RAD51: variants seen among roughly 807,000 people sequenced by gnomAD.
The protein encoded by RAD51 is DNA repair protein RAD51 homolog 1.
Under a neutral mutation model 41.5 loss-of-function variants are expected in RAD51, and 14 were observed. That is an observed-to-expected ratio of 0.34 (90% CI 0.22 to 0.53). RAD51 has a LOEUF of 0.53. Among genes scored for constraint, RAD51 ranks in the 20% least tolerant of loss-of-function variants. The pLI, the probability that RAD51 is intolerant of heterozygous loss-of-function variation, is 0.95. For missense variants in RAD51, 234 were observed against 422.0 expected (o/e 0.55, Z 3.90); for synonymous variants, 136 against 148.6 (o/e 0.92, Z 0.62).
chr15:40,706,369 T>C (rs1895339026), intron 4 of RAD51, 75 bp downstream of exon 4: 1 of 1,190,354 alleles, frequency 8.4e-7, no homozygotes, highest in African/African-American at 1.5e-5. Context: ...AACTGAAATA[T>C]TTGTGTAGCA....
At chr15:40,731,027 G>A (rs895926738) in intron 9 of RAD51, 28 bp from the exon 10 acceptor site, 1 of 1,613,728 alleles carries the variant, frequency 6.2e-7, no homozygotes, top group Middle Eastern at 1.7e-4. Flanking sequence ...ATAATAAATT[G>A]GTGCTTTGGT....
intron 6 of RAD51, among the ~76,000 whole-genome samples, chr15:40,728,385 A>G (rs1259188737): frequency 6.6e-6 from 1 of 151,984 alleles, no homozygotes; most frequent in African/African-American, 2.4e-5. Flanking sequence ...TGAACCCAGG[A>G]GGTGGAGGTT....
chr15:40,696,572 A>G (rs895768861), intron 1 of RAD51, among the ~76,000 whole-genome samples: 4 of 152,188 alleles, frequency 2.6e-5, no homozygotes, highest in Non-Finnish European at 5.9e-5. Flanking sequence ...AAATGAATAT[A>G]CACCTATGTA....
intron 4 of RAD51, among the ~76,000 whole-genome samples, 200 bp downstream of exon 4, chr15:40,706,494 C>T (rs927697930): frequency 3.3e-5 from 5 of 152,148 alleles, no homozygotes; most frequent in South Asian, 2.1e-4. Flanking sequence ...GCTGGGAGTT[C>T]GAGACCAGCC....
chr15:40,713,540 G>A (rs375540338), intron 5 of RAD51, among the ~76,000 whole-genome samples: 34 of 135,380 alleles, frequency 2.5e-4, no homozygotes, highest in African/African-American at 9.3e-4. Flanking sequence ...ACCATGCCCG[G>A]CTTTTTGTTG....
chr15:40,730,715 G>T (rs1202758081), intron 9 of RAD51, among the ~76,000 whole-genome samples: 1 of 151,262 alleles, frequency 6.6e-6, no homozygotes, highest in African/African-American at 2.4e-5. Context: ...GTAGAGATGG[G>T]GTTTCACAGT....
chr15:40,718,734 G>A, intron 5 of RAD51, 71 bp from the exon 6 acceptor site: 1 of 1,308,482 alleles, frequency 7.6e-7, no homozygotes, highest in Non-Finnish European at 1.1e-6. Flanking sequence ...TTATAAAGAT[G>A]TCATGAGGAG....
chr15:40,710,427 G>A (rs1428312351), intron 5 of RAD51, among the ~76,000 whole-genome samples: 3 of 149,420 alleles, frequency 2.0e-5, no homozygotes, highest in Non-Finnish European at 3.0e-5. Flanking sequence ...GCTTGAACCC[G>A]GGGGGCAGAG....
At chr15:40,720,615 A>G (rs1896221036) in intron 6 of RAD51, among the ~76,000 whole-genome samples, 1 of 152,180 alleles carries the variant, frequency 6.6e-6, no homozygotes, top group African/African-American at 2.4e-5. Flanking sequence ...AACTAGAACT[A>G]AATAACTGTT....
intron 5 of RAD51, among the ~76,000 whole-genome samples, chr15:40,711,846 G>A (rs1440342552): frequency 6.6e-6 from 1 of 152,128 alleles, no homozygotes; most frequent in African/African-American, 2.4e-5. Context: ...AGGCCACGGT[G>A]GGTGGATCGC....
At chr15:40,716,243 AGT>A (rs1895980088) in intron 5 of RAD51, among the ~76,000 whole-genome samples, 1 of 152,240 alleles carries the variant, frequency 6.6e-6, no homozygotes, top group Admixed American at 6.5e-5. Flanking sequence ...CAATATTCTC[AGT>A]CACATAGTAA....
intron 1 of RAD51, among the ~76,000 whole-genome samples, chr15:40,698,438 G>A (rs182325368): frequency 1.4e-4 from 22 of 152,114 alleles, no homozygotes; most frequent in African/African-American, 4.8e-4. Flanking sequence ...TGCCCGCCTC[G>A]GCCTCCCAAA....
intron 2 of RAD51, 146 bp downstream of exon 2, chr15:40,698,991 GGA>G (rs1238849152): frequency 6.4e-6 from 5 of 779,888 alleles, no homozygotes; most frequent in Non-Finnish European, 1.1e-5. Flanking sequence ...ATAATCCTGT[GGA>G]AAGGCTGCAG....
chr15:40,701,085 G>A lies in RAD51; in HGVS notation c.109G>A (p.Asp37Asn), dbSNP rs1428987216. Residue 37 changes from aspartate to asparagine, a missense_variant, in exon 3 of 10, where the codon GAT (aspartate) becomes AAT (asparagine). By Grantham distance (23) the Asp-to-Asn change is conservative. Coordinates refer to ENST00000267868, the MANE Select transcript of RAD51 (RefSeq NM_002875.5). Reference sequence around the variant, plus strand: ...GCAGCAGTGTGGCATAAATGCCAACGATGTGAAGAAATTGGAAGAAGCTGG... The same window carrying A: ...GCAGCAGTGTGGCATAAATGCCAACAATGTGAAGAAATTGGAAGAAGCTGG... Reference protein sequence around the residue: ...RLEQCGINANDVKKLEEAGFH... With the variant: ...RLEQCGINANNVKKLEEAGFH... 9.3e-6 allele frequency: 15 copies of A among 1,614,108 alleles called. No individual in the cohort carries two copies. The highest frequency in any genetic ancestry group is 6.6e-5 in the South Asian group (6 of 91,090).
chr15:40,706,571 C>G (rs1895354666), intron 4 of RAD51, among the ~76,000 whole-genome samples: 1 of 152,116 alleles, frequency 6.6e-6, no homozygotes, highest in African/African-American at 2.4e-5. Flanking sequence ...TGCCTGTAAT[C>G]CCTGTAGGTG....
chr15:40,698,432 C>T (rs988663839), intron 1 of RAD51, among the ~76,000 whole-genome samples: 7 of 152,008 alleles, frequency 4.6e-5, no homozygotes, highest in Admixed American at 6.6e-5. Flanking sequence ...GTGATCTGCC[C>T]GCCTCGGCCT....
At chr15:40,700,113 G>A (rs1595978031) in intron 2 of RAD51, among the ~76,000 whole-genome samples, 1 of 152,092 alleles carries the variant, frequency 6.6e-6, no homozygotes, top group African/African-American at 2.4e-5. Context: ...AGCAGACATG[G>A]CTTATGTTGG....
chr15:40,730,520 C>CTTTTTTTTTTTTTTTTTTTTTT (rs778467789), intron 9 of RAD51, among the ~76,000 whole-genome samples: 1 of 113,108 alleles, frequency 8.8e-6, no homozygotes. Flanking sequence ...AATTTTTTTT[C>CTTTTTTTTTTTTTTTTTTTTTT]TTTTTTTTTT....
chr15:40,729,374 A>T, intron 7 of RAD51, 131 bp from the exon 8 acceptor site: 1 of 82,768 alleles, frequency 1.2e-5, no homozygotes, highest in Non-Finnish European at 1.7e-5. Context: ...CTCCATCTCA[A>T]AAAAAAAAAA....
Sources: gnomAD v4.1 joint callset for allele counts (sites outside exome capture counted in the v4.1 genomes callset) on GRCh38, gnomAD v4.1.1 for gene constraint, MANE v1.5 for transcripts, NCBI Gene and HGNC (gene_info 2026-07-23, HGNC 2026-07-21) for gene names.